Variants in ASCC1 observed in about 807,000 individuals in gnomAD.
ASCC1 encodes the protein activating signal cointegrator 1 complex subunit 1.
A neutral mutation model predicts 46.6 loss-of-function variants in ASCC1; 35 were observed. That is an observed-to-expected ratio of 0.75 (90% confidence interval 0.57 to 0.99). The LOEUF (loss-of-function observed/expected upper bound fraction) is 0.99. ASCC1 is among the 50% of genes least tolerant of loss of function. The pLI is 0.00. For synonymous variants in ASCC1, 143 were observed against 146.6 expected (o/e 0.98, Z 0.18); for missense variants, 376 against 428.7 (o/e 0.88, Z 1.09).
intron 5 of ASCC1, among the ~76,000 whole-genome samples, chr10:72,176,837 C>G (rs1045698667): frequency 6.6e-6 from 1 of 152,068 alleles, no homozygotes; most frequent in East Asian, 1.9e-4. Context: ...ATTTCCTCTG[C>G]GCAGAATGCT....
intron 4 of ASCC1, among the ~76,000 whole-genome samples, chr10:72,197,558 T>C (rs1267229891): frequency 2.0e-5 from 3 of 151,040 alleles, no homozygotes; most frequent in South Asian, 4.2e-4. Flanking sequence ...AAACCCTTGC[T>C]AGTAGGAATG....
At chr10:72,151,196 C>T (rs541005237) in intron 7 of ASCC1, among the ~76,000 whole-genome samples, 5 of 152,188 alleles carry the variant, frequency 3.3e-5, no homozygotes, top group Admixed American at 1.3e-4. Flanking sequence ...GGAACCAACC[C>T]GAATGTCCAT....
chr10:72,172,131 C>A (rs920263864), intron 5 of ASCC1, among the ~76,000 whole-genome samples: 1 of 151,960 alleles, frequency 6.6e-6, no homozygotes, highest in Non-Finnish European at 1.5e-5. Flanking sequence ...ACTCTAAGCA[C>A]AAGGCTGGGT....
intron 9 of ASCC1, among the ~76,000 whole-genome samples, chr10:72,108,316 ATCC>A (rs1301688440): frequency 2.0e-5 from 3 of 151,874 alleles, no homozygotes; most frequent in Non-Finnish European, 4.4e-5. Context: ...GGCTCAAGTG[ATCC>A]TCCTACCTCC....
At chr10:72,175,425 T>C (rs1415491078) in intron 5 of ASCC1, among the ~76,000 whole-genome samples, 1 of 152,232 alleles carries the variant, frequency 6.6e-6, no homozygotes, top group Non-Finnish European at 1.5e-5. Context: ...TGCTGAGTCA[T>C]TTCCATTATT....
At chr10:72,212,996 G>C (rs1300959742) in intron 2 of ASCC1, among the ~76,000 whole-genome samples, 191 bp downstream of exon 2, 1 of 151,996 alleles carries the variant, frequency 6.6e-6, no homozygotes, top group Non-Finnish European at 1.5e-5. Context: ...CTTATAAATT[G>C]CAACCAAAAA....
intron 9 of ASCC1, among the ~76,000 whole-genome samples, chr10:72,125,240 G>T (rs570403824): frequency 2.2e-4 from 33 of 151,814 alleles, no homozygotes; most frequent in Non-Finnish European, 4.4e-4. Flanking sequence ...AATAGTAGAT[G>T]AAGTTGATTT....
chr10:72,181,871 A>T (rs916989336), intron 5 of ASCC1, among the ~76,000 whole-genome samples: 1 of 152,110 alleles, frequency 6.6e-6, no homozygotes, highest in Non-Finnish European at 1.5e-5. Context: ...TTTTTAGTAG[A>T]GATGGGGTTT....
At chr10:72,197,023 G>C in intron 4 of ASCC1, 34 bp from the exon 5 acceptor site, 1 of 1,610,424 alleles carries the variant, frequency 6.2e-7, no homozygotes, top group Non-Finnish European at 8.5e-7. Context: ...AACTGCTCAA[G>C]GACCCCCAAA....
intron 9 of ASCC1, among the ~76,000 whole-genome samples, chr10:72,120,377 G>A (rs1454844168): frequency 6.6e-6 from 1 of 151,962 alleles, no homozygotes; most frequent in African/African-American, 2.4e-5. Flanking sequence ...AAACTGAAAA[G>A]CAGAGAACAA....
chr10:72,115,439 T>C (rs1257342873), intron 9 of ASCC1, among the ~76,000 whole-genome samples: 2 of 152,144 alleles, frequency 1.3e-5, no homozygotes, highest in African/African-American at 4.8e-5. Flanking sequence ...AGAACAAGTA[T>C]CATTTGAATA....
intron 9 of ASCC1, among the ~76,000 whole-genome samples, chr10:72,114,263 G>A (rs962618568): frequency 1.3e-5 from 2 of 152,212 alleles, no homozygotes; most frequent in African/African-American, 2.4e-5. Context: ...TTGAAAGATT[G>A]TGAGTATGAG....
intron 3 of ASCC1, among the ~76,000 whole-genome samples, chr10:72,206,908 A>G (rs7900722): frequency 0.14 from 21,759 of 152,062 alleles, 4,445 homozygotes; most frequent in African/African-American, 0.45. Context: ...CCACCACCAC[A>G]GCACCACCCT....
chr10:72,162,284 C>T (rs1849784739), intron 5 of ASCC1, among the ~76,000 whole-genome samples: 1 of 152,094 alleles, frequency 6.6e-6, no homozygotes. Flanking sequence ...CATTCTCCTG[C>T]CTCCGCCTCC....
intron 5 of ASCC1, among the ~76,000 whole-genome samples, chr10:72,175,679 T>C (rs1159756921): frequency 6.6e-6 from 1 of 152,202 alleles, no homozygotes; most frequent in Non-Finnish European, 1.5e-5. Context: ...TAAAGATCTT[T>C]ACCCATTAAA....
At chr10:72,136,661 G>A (rs1244239742) in intron 7 of ASCC1, among the ~76,000 whole-genome samples, 2 of 152,208 alleles carry the variant, frequency 1.3e-5, no homozygotes, top group African/African-American at 4.8e-5. Flanking sequence ...CCCCTTCCAT[G>A]CTGTGGAAGC....
At chr10:72,140,019 C>G (rs1846771260) in intron 7 of ASCC1, among the ~76,000 whole-genome samples, 1 of 152,018 alleles carries the variant, frequency 6.6e-6, no homozygotes, top group African/African-American at 2.4e-5. Flanking sequence ...GGGTTAGGAC[C>G]AGTATAGGTT....
At chr10:72,104,641 C>G (rs1355209685) in intron 9 of ASCC1, among the ~76,000 whole-genome samples, 2 of 151,940 alleles carry the variant, frequency 1.3e-5, no homozygotes, top group African/African-American at 4.8e-5. Context: ...ATAACAATTC[C>G]CTTGGGGATT....
intron 4 of ASCC1, among the ~76,000 whole-genome samples, chr10:72,199,683 C>A (rs1777336965): frequency 6.6e-6 from 1 of 152,160 alleles, no homozygotes; most frequent in Non-Finnish European, 1.5e-5. Context: ...ATCCGCCCAC[C>A]CCGGCATGAG....
Sources: gnomAD v4.1 joint callset for allele counts (sites outside exome capture counted in the v4.1 genomes callset) on GRCh38, gnomAD v4.1.1 for gene constraint, MANE v1.5 for transcripts, NCBI Gene and HGNC (gene_info 2026-07-23, HGNC 2026-07-21) for gene names.